AGAP6: variants seen among roughly 807,000 people sequenced by gnomAD.
AGAP6 encodes the protein arf-GAP with GTPase, ANK repeat and PH domain-containing protein 6.
In AGAP6, 29 loss-of-function variants were observed where a neutral mutation model predicts 63.9. The ratio of observed to expected loss-of-function variants is 0.45; its 90% CI spans 0.34 to 0.62. AGAP6 has a LOEUF of 0.62. Ranked by LOEUF, AGAP6 falls within the 20% of genes least tolerant of loss-of-function variation. The pLI is 0.01. For missense variants in AGAP6, 493 were observed against 884.9 expected (o/e 0.56, Z 5.62); for synonymous variants, 199 against 332.9 (o/e 0.60, Z 4.38).
At chr10:49,992,731 G>A (rs1349983188) in intron 3 of AGAP6, among the ~76,000 whole-genome samples, 3 of 151,938 alleles carry the variant, frequency 2.0e-5, no homozygotes, top group African/African-American at 4.8e-5. Context: ...GTGAAAGAGG[G>A]AGGAGAGAGG....
At position 50,009,290 on chromosome 10, in the gene AGAP6, C is replaced by A. The variant is rs572445484; in HGVS notation, c.1165C>A (p.Leu389Ile). 1.3e-5 allele frequency: 21 copies of A among 1,614,092 alleles called. No homozygotes were observed. The highest frequency in any genetic ancestry group is 1.5e-5 in the Non-Finnish European group (18 of 1,180,050). The change falls in exon 8 of 8, where the codon CTC becomes ATC. Residue 389 changes from leucine (L) to isoleucine (I), a missense_variant. This residue lies in a region of AGAP6 where 342 missense variants were observed against 533.4 expected (regional missense o/e 0.64). Transcript: ENST00000412531. ...PSISSTTSPK[L>I]NPPPSPHANK... The stretch of plus-strand genomic sequence containing the variant: ...TATCTCCAGCACCACCAGCCCCAAG[C>A]TCAACCCGCCCCCCTCTCCTCATGC...
At chr10:49,991,515 C>T (rs1291122646) in intron 2 of AGAP6, among the ~76,000 whole-genome samples, 161 bp from the exon 3 acceptor site, 3 of 151,538 alleles carry the variant, frequency 2.0e-5, no homozygotes, top group Non-Finnish European at 4.4e-5. Flanking sequence ...CAAGCATGTG[C>T]CATCTTGCCT....
At chr10:49,998,970 T>C (rs1841596394) in intron 4 of AGAP6, among the ~76,000 whole-genome samples, 2 of 141,080 alleles carry the variant, frequency 1.4e-5, no homozygotes, top group Non-Finnish European at 3.0e-5. Flanking sequence ...TCCCAGCACT[T>C]TGGGAGGCTG....
At chr10:49,997,991 C>CATATATATATATAT (rs4043250) in intron 4 of AGAP6, among the ~76,000 whole-genome samples, 7 of 124,230 alleles carry the variant, frequency 5.6e-5, no homozygotes, top group African/African-American at 2.2e-4. Flanking sequence ...TGGAATTCCT[C>CATATATATATATAT]ATATATATAT....
chr10:49,989,843 T>C (rs1165367970), intron 2 of AGAP6, among the ~76,000 whole-genome samples: 1 of 152,208 alleles, frequency 6.6e-6, no homozygotes, highest in Non-Finnish European at 1.5e-5. Context: ...TTGGGGTTTC[T>C]CAAAGGAGTT....
chr10:49,990,777 G>T (rs1841241063), intron 2 of AGAP6, among the ~76,000 whole-genome samples: 1 of 152,180 alleles, frequency 6.6e-6, no homozygotes, highest in South Asian at 2.1e-4. Flanking sequence ...TTTTAAAGAG[G>T]TAAGATAATT....
intron 4 of AGAP6, among the ~76,000 whole-genome samples, chr10:50,001,417 TTTTC>T (rs1841691475): frequency 1.4e-4 from 3 of 21,396 alleles, no homozygotes; most frequent in South Asian, 0.01. Flanking sequence ...TATTTTAAAC[TTTTC>T]TTTTTTTTTT....
rs781838990 is a variant in AGAP6, at chr10:49,988,951, T to G, written c.223+13T>G. ...GAGATGCCTGAAGGTGAGGAGGTGA[T>G]AGGTGCCATCTACCCTCGGTTTGCC... On this transcript the variant is annotated intron_variant, in intron 1 of 7. Transcript: ENST00000412531. 1.2e-6 allele frequency: 2 copies of G among 1,601,422 alleles called. No individual in the cohort carries two copies. The highest frequency in any genetic ancestry group is 1.7e-6 in the Non-Finnish European group (2 of 1,179,438).
chr10:50,009,042 C>T lies in AGAP6; in HGVS notation c.917C>T (p.Thr306Ile), dbSNP rs1358787501. The change falls in exon 8 of 8, where the codon ACC becomes ATC. Residue 306 changes from threonine to isoleucine, a missense_variant. Around this residue, in one of 7 missense-constraint regions of AGAP6, gnomAD observed 342 missense variants for 533.4 expected, o/e 0.64. Coordinates refer to ENST00000412531, the MANE Select transcript of AGAP6 (RefSeq NM_001077665.3). The stretch of plus-strand genomic sequence containing the variant: ...AAGACATGGAAAAAGAAATACGTCA[C>T]CCTGTGTTCCAATGGCATGCTCACC... ...WLKTWKKKYVTLCSNGMLTYY... is the reference protein window; with the variant it reads ...WLKTWKKKYVILCSNGMLTYY... 1 of 1,613,548 alleles carries T rather than the reference C, an allele frequency of 6.2e-7. No individual in the cohort carries two copies.
intron 6 of AGAP6, 98 bp from the exon 7 acceptor site, chr10:50,007,927 A>G (rs1208369311): frequency 6.2e-7 from 1 of 1,600,156 alleles, no homozygotes; most frequent in Middle Eastern, 2.3e-4. Flanking sequence ...GCTTTGGTAA[A>G]GTAAACACCA....
intron 4 of AGAP6, among the ~76,000 whole-genome samples, chr10:49,995,958 G>A (rs1841469937): frequency 6.6e-6 from 1 of 152,068 alleles, no homozygotes. Context: ...CTAAGGTTCT[G>A]AAATTTTATA....
Position 49,988,751 on chromosome 10 carries a change from C to CGTCA in AGAP6, c.38_41dup (p.Leu15GlnfsTer5). 6.3e-7 allele frequency: 1 copy of CGTCA among 1,590,938 alleles called. No individual in the cohort carries two copies. Among genetic ancestry groups the CGTCA allele is most frequent in the Non-Finnish European group, 8.5e-7 (1 of 1,175,674 alleles). On this transcript the variant is annotated frameshift_variant, in exon 1 of 8. Transcript: ENST00000412531. LOFTEE classifies it high-confidence loss of function. The stretch of plus-strand genomic sequence containing the variant: ...TACTGACCTGTCGTGTGCACCCTAG[C>CGTCA]GTCAGCCTCGAGTTTGACCAGCAGC...
intron 4 of AGAP6, among the ~76,000 whole-genome samples, chr10:49,995,018 G>C (rs1164644574): frequency 7.3e-6 from 1 of 136,212 alleles, no homozygotes; most frequent in Non-Finnish European, 1.6e-5. Context: ...TTTAATGAAA[G>C]AACAAAAATA....
intron 3 of AGAP6, among the ~76,000 whole-genome samples, chr10:49,993,103 A>G (rs1554861349): frequency 6.6e-6 from 1 of 152,120 alleles, no homozygotes; most frequent in African/African-American, 2.4e-5. Flanking sequence ...GAATGTGCTT[A>G]TTACCATGGG....
At chr10:49,999,953 T>G (rs565823812) in intron 4 of AGAP6, among the ~76,000 whole-genome samples, 2 of 140,874 alleles carry the variant, frequency 1.4e-5, no homozygotes, top group East Asian at 4.7e-4. Flanking sequence ...GAAAACAACT[T>G]TAGTATTTTT....
Position 50,008,784 on chromosome 10 carries a change from C to T in AGAP6, c.659C>T (p.Ser220Leu), listed in dbSNP as rs1554864498. 6.2e-6 allele frequency: 10 copies of T among 1,613,988 alleles called. No individual in the cohort carries two copies. The East Asian group carries it at 6.7e-5, about 11-fold the overall frequency. ...SLNNYSSSIP[S>L]TPSTSQEDPQ... ...AATAACTATTCCTCCTCCATTCCAT[C>T]GACTCCCAGCACCAGCCAGGAGGAC... Residue 220 changes from serine (S) to leucine (L), a missense_variant, in exon 8 of 8, where the codon TCG (serine) becomes TTG (leucine). Around this residue, in one of 7 missense-constraint regions of AGAP6, gnomAD observed 342 missense variants for 533.4 expected, o/e 0.64. Transcript: ENST00000412531.
Position 50,009,778 on chromosome 10 carries a change from G to A in AGAP6, c.1653G>A (p.Gln551=). Residue 551 remains glutamine (Q), a synonymous_variant, in exon 8 of 8, where the codon CAG becomes CAA. Transcript: ENST00000412531. ...NSIWEGSSQG[Q]TKPSEKSTRE... ...TCTGGGAAGGGAGCAGCCAGGGGCA[G>A]ACAAAACCCTCAGAAAAGTCCACGA... 1 of 1,614,014 alleles carries A rather than the reference G, an allele frequency of 6.2e-7. No individual in the cohort carries two copies. The highest frequency in any genetic ancestry group is 8.5e-7 in the Non-Finnish European group (1 of 1,179,982).
intron 3 of AGAP6, among the ~76,000 whole-genome samples, chr10:49,992,692 G>A (rs1354060593): frequency 1.3e-5 from 2 of 152,080 alleles, no homozygotes; most frequent in African/African-American, 2.4e-5. Flanking sequence ...CATGATAAAA[G>A]GCAAAGGGGA....
chr10:49,995,209 T>G (rs1841440107), intron 4 of AGAP6, among the ~76,000 whole-genome samples: 1 of 152,190 alleles, frequency 6.6e-6, no homozygotes, highest in African/African-American at 2.4e-5. Flanking sequence ...TATTCACTGC[T>G]AAGTCATATG....
Sources: gnomAD v4.1 joint callset for allele counts (sites outside exome capture counted in the v4.1 genomes callset) on GRCh38, gnomAD v4.1.1 for gene constraint, gnomAD v4.1.1 regional missense constraint, MANE v1.5 for transcripts, NCBI Gene and HGNC (gene_info 2026-07-23, HGNC 2026-07-21) for gene names.